Variants in IGDCC3 observed in about 807,000 individuals in gnomAD.
IGDCC3 encodes immunoglobulin superfamily DCC subclass member 3.
IGDCC3 carries 47 observed loss-of-function variants against 72.0 expected under a neutral mutation model. That is an observed-to-expected ratio of 0.65 (90% CI 0.52 to 0.83). IGDCC3 has a LOEUF of 0.83. IGDCC3 is among the 40% of genes least tolerant of loss of function. The probability of loss-of-function intolerance (pLI) is 0.00; values close to 1 mark genes in which losing one functional copy is unlikely to be tolerated. For missense variants in IGDCC3, 1,038 were observed against 1,091.3 expected (o/e 0.95, Z 0.69); for synonymous variants, 477 against 472.8 (o/e 1.01, Z -0.11).
chr15:65,332,137 A>C (rs376981676), intron 6 of IGDCC3, 31 bp from the exon 7 acceptor site: 7 of 1,600,348 alleles, frequency 4.4e-6, no homozygotes, highest in Admixed American at 1.7e-5. Flanking sequence ...GTGGGGGCGC[A>C]GACAGACACA....
In IGDCC3 at chr15:65,335,504, G is replaced by A. The variant is rs1274980750; in HGVS notation, c.555-83C>T. ...AAAGACTCTGGGCATCCAAGATACA[G>A]CCCAGGACCTAAGCACTGCACCATC... On this transcript the variant is annotated intron_variant, in intron 3 of 13. Transcript: ENST00000327987. The A allele has an allele frequency of 2.8e-6, 4 of 1,404,356 alleles. No individual in the cohort carries two copies. The East Asian group carries it at 6.9e-5, about 24-fold the overall frequency. The allele number at this position is 1,404,356 out of a possible 1,614,324, so 87.0% of individuals were successfully genotyped here.
intron 2 of IGDCC3, among the ~76,000 whole-genome samples, chr15:65,367,663 T>C (rs2140169355): frequency 6.6e-6 from 1 of 152,180 alleles, no homozygotes; most frequent in Non-Finnish European, 1.5e-5. Flanking sequence ...TCCCAGGGCT[T>C]GCCCCACTCC....
At position 65,375,371 on chromosome 15, in the gene IGDCC3, A is replaced by C; in HGVS notation, c.135T>G (p.Ala45=). ...GLGHSAELAF[A]VEPSDDVAVP... ...CGGCAACATCATCACTTGGCTCCAC[A>C]GCAAATGCCAGTTCAGCAGAGTGGC... The change falls in exon 2 of 14, where the codon GCT becomes GCG. Residue 45 remains alanine (A), a synonymous_variant. Transcript: ENST00000327987. The C allele has an allele frequency of 1.9e-6, 3 of 1,606,322 alleles. No individual in the cohort carries two copies. Among genetic ancestry groups the C allele is most frequent in the Non-Finnish European group, 1.7e-6 (2 of 1,173,582 alleles).
In IGDCC3 at chr15:65,370,618, G is replaced by GTATATATATATATA. The variant is rs779669712; in HGVS notation, c.409+4478_409+4479insTATATATATATATA. On this transcript the variant is annotated intron_variant, in intron 2 of 13. Coordinates refer to ENST00000327987, the MANE Select transcript of IGDCC3 (RefSeq NM_004884.4). Reference sequence around the variant, plus strand: ...TATATGTATGTGTATATATATGTATGTGTATATATATATATATATATATAT... The same window carrying GTATATATATATATA: ...TATATGTATGTGTATATATATGTATGTATATATATATATATGTATATATATATATATATATATAT... Among the ~76,000 whole-genome samples, 386 of 56,804 alleles carry GTATATATATATATA rather than the reference G, an allele frequency of 6.8e-3. 2 individuals carry two copies. Among genetic ancestry groups the GTATATATATATATA allele is most frequent in the South Asian group, 0.016 (26 of 1,604 alleles). 37.3% of individuals were successfully genotyped at this position (56,804 alleles called of 152,430 possible). A position where few individuals can be genotyped will look rare whatever the true frequency, so the allele number is the denominator to read the frequency against.
chr15:65,341,311 C>T (rs1406104257), intron 2 of IGDCC3, among the ~76,000 whole-genome samples: 2 of 152,104 alleles, frequency 1.3e-5, no homozygotes, highest in African/African-American at 4.8e-5. Context: ...CTGTGGAACA[C>T]GGTATGATAA....
rs2091016478 is a variant in IGDCC3, at chr15:65,335,206, G to T, written c.685+85C>A. Reference sequence around the variant, plus strand: ...GCACGTGGCTGAGAAGGCTGCAGAGGCCAGCTGAAGGGGGTTGATCTAAGG... The same window carrying T: ...GCACGTGGCTGAGAAGGCTGCAGAGTCCAGCTGAAGGGGGTTGATCTAAGG... On this transcript the variant is annotated intron_variant, in intron 4 of 13. Coordinates refer to ENST00000327987, the MANE Select transcript of IGDCC3 (RefSeq NM_004884.4). 4 of 1,440,984 alleles carry T rather than the reference G, an allele frequency of 2.8e-6. No homozygotes were observed. The South Asian group carries it at 5.3e-5, about 19-fold the overall frequency. The allele number at this position is 1,440,984 out of a possible 1,614,324, so 89.3% of individuals were successfully genotyped here. A position where few individuals can be genotyped will look rare whatever the true frequency, so the allele number is the denominator to read the frequency against.
chr15:65,362,323 A>C (rs931554262), intron 2 of IGDCC3, among the ~76,000 whole-genome samples: 1 of 152,186 alleles, frequency 6.6e-6, no homozygotes, highest in Admixed American at 6.5e-5. Context: ...AGGTGAGTTG[A>C]AATTTTACAT....
chr15:65,366,220 A>T (rs1595764554), intron 2 of IGDCC3, among the ~76,000 whole-genome samples: 1 of 151,602 alleles, frequency 6.6e-6, no homozygotes, highest in Middle Eastern at 3.4e-3. Flanking sequence ...AAAAAAAAAA[A>T]AAAAAAAAAC....
intron 2 of IGDCC3, among the ~76,000 whole-genome samples, chr15:65,370,998 G>A (rs1051842978): frequency 5.9e-5 from 7 of 117,838 alleles, no homozygotes; most frequent in Non-Finnish European, 7.5e-5. Flanking sequence ...AGCAGGTGGT[G>A]GGGCCAAGGC....
intron 2 of IGDCC3, among the ~76,000 whole-genome samples, chr15:65,358,110 T>A (rs2091237520): frequency 1.3e-5 from 2 of 151,886 alleles, no homozygotes; most frequent in South Asian, 4.2e-4. Flanking sequence ...ACATATTTTT[T>A]TTTTTTTTTT....
At position 65,377,359 on chromosome 15, in the gene IGDCC3, G is replaced by A. The variant is rs1261052418; in HGVS notation, c.103+327C>T. Among the ~76,000 whole-genome samples, 2 of 152,126 alleles carry A rather than the reference G, an allele frequency of 1.3e-5. No individual in the cohort carries two copies. The highest frequency in any genetic ancestry group is 4.8e-5 in the African/African-American group (2 of 41,414). ...CGCCTCGGTCAGCGCTTAGCCTTGC[G>A]GTCTCCCCTGGCTCGTTTCCCTCGG... On this transcript the variant is annotated intron_variant, in intron 1 of 13. Transcript: ENST00000327987. The surrounding 1 kb of genome is among the most constrained non-coding windows in gnomAD (Gnocchi z 4.9).
rs1468759056 is a variant in IGDCC3 at position 65,329,361 on chromosome 15, G to A, written c.2205+29C>T. On this transcript the variant is annotated intron_variant, in intron 13 of 13. Transcript: ENST00000327987. This position sits in a 1 kb window ranked among gnomAD's most constrained non-coding sequence, Gnocchi z 4.1. ...AGGTGGCAGTGTCAGAGCCTGAGGC[G>A]GGGGTTTGTTTAAGACATGGGCACT... 1.5e-5 allele frequency: 23 copies of A among 1,567,078 alleles called. No individual in the cohort carries two copies. Among genetic ancestry groups the A allele is most frequent in the East Asian group, 2.2e-5 (1 of 44,522 alleles).
In IGDCC3 at chr15:65,328,593, T is replaced by A; in HGVS notation, c.*316A>T. On this transcript the variant is annotated 3_prime_UTR_variant, in exon 14 of 14. Coordinates refer to ENST00000327987, the MANE Select transcript of IGDCC3 (RefSeq NM_004884.4). ...TTCCTCTATCTCTCTCCTCTTTTTT[T>A]TTTTTTTTAAGTTTTGCTTTTTAAA... The A allele has an allele frequency of 4.0e-6, 1 of 249,712 alleles. No homozygotes were observed. The highest frequency in any genetic ancestry group is 7.6e-6 in the Non-Finnish European group (1 of 131,970). 15.5% of individuals were successfully genotyped at this position (249,712 alleles called of 1,614,324 possible). A position where few individuals can be genotyped will look rare whatever the true frequency, so the allele number is the denominator to read the frequency against.
chr15:65,334,549 CCTGGTCCTTCCAGGAGAGGGAAA>C, intron 5 of IGDCC3, 156 bp downstream of exon 5: 1 of 613,732 alleles, frequency 1.6e-6, no homozygotes, highest in Non-Finnish European at 2.7e-6. Flanking sequence ...GGCGGGCCTC[CCTGGTCCTTCCAGGAGAGGGAAA>C]CTTACCCTCT....
At chr15:65,330,987 G>T in intron 9 of IGDCC3, 63 bp downstream of exon 9, 2 of 1,567,438 alleles carry the variant, frequency 1.3e-6, no homozygotes, top group Non-Finnish European at 8.7e-7. Context: ...AGTGTGCATG[G>T]TGGTTCTGCT....
At chr15:65,361,075 C>G (rs147096136) in intron 2 of IGDCC3, among the ~76,000 whole-genome samples, 69 of 152,258 alleles carry the variant, frequency 4.5e-4, no homozygotes, top group African/African-American at 1.6e-3. Flanking sequence ...CAGTGCCTAG[C>G]CGACCTGGCC....
At chr15:65,332,425 T>C (rs1221596628) in intron 6 of IGDCC3, among the ~76,000 whole-genome samples, 1 of 152,158 alleles carries the variant, frequency 6.6e-6, no homozygotes, top group African/African-American at 2.4e-5. Flanking sequence ...AATAAATAAA[T>C]GTGCTAATAG....
intron 2 of IGDCC3, among the ~76,000 whole-genome samples, chr15:65,366,347 C>T (rs977230992): frequency 6.6e-6 from 1 of 151,898 alleles, no homozygotes; most frequent in Non-Finnish European, 1.5e-5. Flanking sequence ...CCAGCCTGGG[C>T]AGCAGAGTGA....
Position 65,328,859 on chromosome 15 carries a change from C to T in IGDCC3, c.*50G>A. 1 of 1,488,372 alleles carries T rather than the reference C, an allele frequency of 6.7e-7. No individual in the cohort carries two copies. The highest frequency in any genetic ancestry group is 8.9e-7 in the Non-Finnish European group (1 of 1,119,742). 92.2% of individuals were successfully genotyped at this position (1,488,372 alleles called of 1,614,324 possible). A position where few individuals can be genotyped will look rare whatever the true frequency, so the allele number is the denominator to read the frequency against. Reference sequence around the variant, plus strand: ...TGACAGTAGAAATCTTGCTTTTGACCTGAGAATGGGCCCCGCTCCGTCCAC... The same window carrying T: ...TGACAGTAGAAATCTTGCTTTTGACTTGAGAATGGGCCCCGCTCCGTCCAC... On this transcript the variant is annotated 3_prime_UTR_variant, in exon 14 of 14. Transcript: ENST00000327987.
Sources: allele counts gnomAD v4.1 joint callset (sites outside exome capture counted in the v4.1 genomes callset), GRCh38; gene constraint gnomAD v4.1.1; non-coding constraint Gnocchi (gnomAD v3.1); transcripts MANE v1.5; gene names NCBI Gene and HGNC (gene_info 2026-07-23, HGNC 2026-07-21).